Variants in ROBO1 observed in about 807,000 individuals in gnomAD.
ROBO1 encodes the protein roundabout guidance receptor 1.
In ROBO1, 149 loss-of-function variants were observed where a neutral mutation model predicts 195.9. The observed-to-expected ratio is 0.76, with a 90% CI of 0.67 to 0.87. The LOEUF (loss-of-function observed/expected upper bound fraction) is 0.87, where lower values mean the gene tolerates loss of function less well. Among genes scored for constraint, ROBO1 ranks in the 40% least tolerant of loss-of-function variants. The pLI is 0.00. For synonymous variants in ROBO1, 816 were observed against 733.2 expected, an observed-to-expected ratio of 1.11 and a Z score of -1.82; for missense variants, 1,933 against 2,068.3, an observed-to-expected ratio of 0.93 and a Z score of 1.27.
chr3:78,646,781 T>C (rs918296085), intron 20 of ROBO1, among the ~76,000 whole-genome samples: 5 of 151,962 alleles, frequency 3.3e-5, no homozygotes, highest in African/African-American at 9.7e-5. Context: ...TATATTTTCA[T>C]CAGACATGTA....
At chr3:78,978,092 CTAGT>C (rs1194543363) in intron 3 of ROBO1, among the ~76,000 whole-genome samples, 24 of 152,012 alleles carry the variant, frequency 1.6e-4, no homozygotes, top group Non-Finnish European at 8.8e-5. Context: ...GAGTCTCAGT[CTAGT>C]TAGTTAAAGA....
chr3:79,019,334 G>A (rs1224130871), intron 3 of ROBO1: 5 of 985,598 alleles, frequency 5.1e-6, no homozygotes, highest in Non-Finnish European at 6.0e-6. Context: ...CCCCGGGGTG[G>A]CAGAGAAGGG....
intron 4 of ROBO1, among the ~76,000 whole-genome samples, chr3:78,892,185 C>T (rs1399411181): frequency 6.6e-6 from 1 of 152,138 alleles, no homozygotes; most frequent in African/African-American, 2.4e-5. Context: ...CATGGCAAAA[C>T]CCTGTCTCTA....
chr3:79,433,198 C>T (rs80195295), intron 2 of ROBO1, among the ~76,000 whole-genome samples: 5,217 of 152,036 alleles, frequency 0.034, 206 homozygotes, highest in African/African-American at 0.098. Flanking sequence ...CTCTGACAGG[C>T]CTCAGTGTGT....
intron 1 of ROBO1, among the ~76,000 whole-genome samples, chr3:79,711,964 A>T (rs1406591578): frequency 2.7e-5 from 4 of 150,736 alleles, no homozygotes; most frequent in Admixed American, 2.6e-4. Flanking sequence ...CCCGTATAGG[A>T]CAGGAAGCTT....
chr3:79,224,192 C>T (rs2082187662), intron 2 of ROBO1, among the ~76,000 whole-genome samples: 1 of 152,054 alleles, frequency 6.6e-6, no homozygotes, highest in South Asian at 2.1e-4. Context: ...ACTAACAAAA[C>T]AAAGCAAAAA....
chr3:79,644,496 T>C (rs1945759852), intron 1 of ROBO1, among the ~76,000 whole-genome samples: 1 of 152,108 alleles, frequency 6.6e-6, no homozygotes, highest in Non-Finnish European at 1.5e-5. Context: ...AGGACTTACA[T>C]GGAGGCAACA....
chr3:79,545,881 A>G (rs1942245440), intron 2 of ROBO1, among the ~76,000 whole-genome samples: 1 of 152,188 alleles, frequency 6.6e-6, no homozygotes, highest in Non-Finnish European at 1.5e-5. Flanking sequence ...AGATAGAAAC[A>G]TCCTAGGATT....
At chr3:78,919,312 G>T (rs1338289697) in intron 4 of ROBO1, among the ~76,000 whole-genome samples, 1 of 152,142 alleles carries the variant, frequency 6.6e-6, no homozygotes, top group Non-Finnish European at 1.5e-5. Context: ...GAAAGTTACT[G>T]GCCAGAGATG....
At chr3:79,619,060 T>A (rs1944916509) in intron 1 of ROBO1, among the ~76,000 whole-genome samples, 1 of 151,966 alleles carries the variant, frequency 6.6e-6, no homozygotes, top group Non-Finnish European at 1.5e-5. Flanking sequence ...CGAGGACACC[T>A]GCCCTCATCA....
At chr3:78,828,157 G>A (rs1292988940) in intron 4 of ROBO1, among the ~76,000 whole-genome samples, 1 of 152,176 alleles carries the variant, frequency 6.6e-6, no homozygotes, top group Admixed American at 6.5e-5. Flanking sequence ...AGCTTATCCA[G>A]TATCTAAGAA....
chr3:79,493,561 GGTTA>G (rs1292562294), intron 2 of ROBO1, among the ~76,000 whole-genome samples: 2 of 151,728 alleles, frequency 1.3e-5, no homozygotes, highest in South Asian at 2.1e-4. Context: ...TTTTTGTTTT[GGTTA>G]GTTAGGTGTT....
intron 2 of ROBO1, among the ~76,000 whole-genome samples, chr3:79,205,306 A>G (rs927485023): frequency 6.6e-6 from 1 of 152,030 alleles, no homozygotes; most frequent in African/African-American, 2.4e-5. Context: ...TAGAGGATAA[A>G]TGATTGGATT....
At chr3:79,356,385 T>C (rs2035556809) in intron 2 of ROBO1, among the ~76,000 whole-genome samples, 1 of 152,226 alleles carries the variant, frequency 6.6e-6, no homozygotes, top group Admixed American at 6.5e-5. Flanking sequence ...ACAGAGATGA[T>C]ACACTATTAT....
intron 3 of ROBO1, among the ~76,000 whole-genome samples, chr3:79,009,225 A>G (rs890218649): frequency 6.7e-6 from 1 of 150,194 alleles, no homozygotes. Context: ...AAGTGCTGGG[A>G]TAACAGGTGT....
intron 18 of ROBO1, among the ~76,000 whole-genome samples, chr3:78,655,895 G>A (rs1706975438): frequency 6.6e-6 from 1 of 152,096 alleles, no homozygotes; most frequent in South Asian, 2.1e-4. Flanking sequence ...TTCTGATCTG[G>A]AAGACAAAAA....
chr3:79,625,654 C>A (rs978104929), intron 1 of ROBO1, among the ~76,000 whole-genome samples: 1 of 151,770 alleles, frequency 6.6e-6, no homozygotes, highest in African/African-American at 2.4e-5. Context: ...CAAGACTAAA[C>A]CAGGAAGAAG....
At chr3:79,355,753 G>A (rs1172129979) in intron 2 of ROBO1, among the ~76,000 whole-genome samples, 1 of 151,990 alleles carries the variant, frequency 6.6e-6, no homozygotes, top group Non-Finnish European at 1.5e-5. Context: ...TTCTTTTTAT[G>A]ACTGAATAGT....
At chr3:79,074,151 G>C (rs539996295) in intron 3 of ROBO1, among the ~76,000 whole-genome samples, 7 of 151,440 alleles carry the variant, frequency 4.6e-5, no homozygotes, top group African/African-American at 1.7e-4. Flanking sequence ...TTTCAGATTT[G>C]GAAACAACAA....
Sources: gnomAD v4.1 joint callset for allele counts (sites outside exome capture counted in the v4.1 genomes callset) on GRCh38, gnomAD v4.1.1 for gene constraint, MANE v1.5 for transcripts, NCBI Gene and HGNC (gene_info 2026-07-23, HGNC 2026-07-21) for gene names.